The following PARD3B variants were observed in gnomAD, a reference collection of about 807,000 sequenced individuals.
The protein encoded by PARD3B is partitioning defective 3 homolog B.
In PARD3B, 103 loss-of-function variants were observed where a neutral mutation model predicts 130.2. That is an observed-to-expected ratio of 0.79 (90% CI 0.67 to 0.93). The LOEUF (loss-of-function observed/expected upper bound fraction) is 0.93, where lower values mean the gene tolerates loss of function less well. PARD3B is among the 40% of genes least tolerant of loss of function. The pLI, the probability that PARD3B is intolerant of heterozygous loss-of-function variation, is 0.00. For synonymous variants in PARD3B, 583 were observed against 553.2 expected, an observed-to-expected ratio of 1.05 and a Z score of -0.76; for missense variants, 1,609 against 1,499.2, an observed-to-expected ratio of 1.07 and a Z score of -1.21.
intron 19 of PARD3B, among the ~76,000 whole-genome samples, chr2:205,420,458 T>G (rs545942145): frequency 6.6e-6 from 1 of 152,312 alleles, no homozygotes; most frequent in South Asian, 2.1e-4. Flanking sequence ...GAGCTCAGTT[T>G]CCATCCCAGG....
At chr2:205,119,465 T>C (rs1424871783) in intron 7 of PARD3B, among the ~76,000 whole-genome samples, 1 of 151,938 alleles carries the variant, frequency 6.6e-6, no homozygotes, top group Non-Finnish European at 1.5e-5. Flanking sequence ...CACCGAATCA[T>C]AGAAACAAAC....
intron 19 of PARD3B, among the ~76,000 whole-genome samples, chr2:205,422,803 G>A (rs72948020): frequency 1.3e-3 from 193 of 151,878 alleles, no homozygotes; most frequent in Non-Finnish European, 2.2e-3. Flanking sequence ...CCAGCTGAGT[G>A]ATGGAATGCC....
intron 3 of PARD3B, among the ~76,000 whole-genome samples, chr2:205,039,525 A>G (rs1698245842): frequency 6.6e-6 from 1 of 152,060 alleles, no homozygotes. Context: ...GTTGGAGTGC[A>G]GTGGCGTGAT....
chr2:205,251,273 G>T (rs1302205475), intron 16 of PARD3B, among the ~76,000 whole-genome samples: 1 of 152,134 alleles, frequency 6.6e-6, no homozygotes, highest in East Asian at 1.9e-4. Context: ...ATGTGTACAT[G>T]TACAGGAGTG....
chr2:205,424,784 G>A (rs547251731), intron 19 of PARD3B, among the ~76,000 whole-genome samples: 1 of 152,226 alleles, frequency 6.6e-6, no homozygotes, highest in East Asian at 1.9e-4. Context: ...TAAGCACCGA[G>A]GGCCTGTCGT....
intron 18 of PARD3B, among the ~76,000 whole-genome samples, chr2:205,350,827 A>T (rs143577609): frequency 1.4e-4 from 21 of 152,318 alleles, no homozygotes; most frequent in African/African-American, 4.8e-4. Flanking sequence ...CTTGTGTTAA[A>T]GTATACATAC....
chr2:204,944,655 T>A (rs1689168785), intron 2 of PARD3B, among the ~76,000 whole-genome samples: 1 of 152,274 alleles, frequency 6.6e-6, no homozygotes, highest in South Asian at 2.1e-4. Context: ...TGATATTTTA[T>A]AATCAGTTAC....
At chr2:205,295,159 G>T (rs2041743751) in intron 16 of PARD3B, among the ~76,000 whole-genome samples, 1 of 152,060 alleles carries the variant, frequency 6.6e-6, no homozygotes, top group African/African-American at 2.4e-5. Context: ...AGAATAAAGT[G>T]GTATTGTGAC....
At position 205,352,679 on chromosome 2, in the gene PARD3B, A is replaced by C. The variant is rs866044868; in HGVS notation, c.2631-48334A>C. Among the ~76,000 whole-genome samples, 1 of 152,178 alleles carries C rather than the reference A, an allele frequency of 6.6e-6. No homozygotes were observed. The highest frequency in any genetic ancestry group is 1.5e-5 in the Non-Finnish European group (1 of 68,032). On this transcript the variant is annotated intron_variant, in intron 18 of 22. Transcript: ENST00000406610. The surrounding 1 kb of genome is among the most constrained non-coding windows in gnomAD (Gnocchi z 5.2). ...GTGTTGGAGATAAACAGGTAGTATC[A>C]GGCGTCCATAGCCTTGCGTTTTACT...
intron 10 of PARD3B, among the ~76,000 whole-genome samples, chr2:205,132,514 C>T (rs2032095014): frequency 6.6e-6 from 1 of 152,116 alleles, no homozygotes; most frequent in East Asian, 1.9e-4. Flanking sequence ...AAGATATCTA[C>T]TTATAGGTCA....
intron 10 of PARD3B, among the ~76,000 whole-genome samples, chr2:205,150,252 T>TGTGTGTGTGTGCGC (rs375301293): frequency 7.6e-4 from 111 of 145,876 alleles, no homozygotes; most frequent in African/African-American, 2.1e-3. Context: ...TGTGTGTGTG[T>TGTGTGTGTGTGCGC]GCACACACGC....
At chr2:205,018,355 A>G (rs1427076595) in intron 3 of PARD3B, among the ~76,000 whole-genome samples, 1 of 152,286 alleles carries the variant, frequency 6.6e-6, no homozygotes, top group African/African-American at 2.4e-5. Context: ...AATATCCAGA[A>G]CATGAAATGT....
chr2:205,228,599 A>G (rs913206463), intron 15 of PARD3B, among the ~76,000 whole-genome samples: 3 of 151,848 alleles, frequency 2.0e-5, no homozygotes, highest in Non-Finnish European at 4.4e-5. Flanking sequence ...ATTTGGGGTA[A>G]ATTTGCTTGG....
At chr2:205,451,195 G>A (rs1056624777) in intron 20 of PARD3B, among the ~76,000 whole-genome samples, 10 of 152,164 alleles carry the variant, frequency 6.6e-5, no homozygotes, top group Admixed American at 1.3e-4. Flanking sequence ...CAAGATGGCC[G>A]TAGCCACTCT....
intron 2 of PARD3B, among the ~76,000 whole-genome samples, chr2:204,876,388 A>G (rs1413810993): frequency 6.6e-6 from 1 of 152,152 alleles, no homozygotes; most frequent in Non-Finnish European, 1.5e-5. Flanking sequence ...GAGCAAATCA[A>G]ATTTTTCCAC....
intron 15 of PARD3B, among the ~76,000 whole-genome samples, chr2:205,202,907 A>G (rs1307037297): frequency 2.6e-5 from 4 of 152,156 alleles, no homozygotes; most frequent in Admixed American, 2.6e-4. Context: ...CCTAAAGTTA[A>G]GTATTATGAA....
At chr2:205,296,876 T>TTA (rs1559632634) in intron 16 of PARD3B, among the ~76,000 whole-genome samples, 1 of 145,226 alleles carries the variant, frequency 6.9e-6, no homozygotes, top group African/African-American at 2.5e-5. Context: ...AACATCTTTT[T>TTA]AAAAAAAAAA....
intron 4 of PARD3B, among the ~76,000 whole-genome samples, chr2:205,070,287 T>C (rs909199642): frequency 1.3e-5 from 2 of 152,072 alleles, no homozygotes; most frequent in Non-Finnish European, 2.9e-5. Flanking sequence ...CCCCATGAAA[T>C]TAGCAGTTTT....
At chr2:205,010,341 G>T (rs1171032916) in intron 3 of PARD3B, among the ~76,000 whole-genome samples, 1 of 152,302 alleles carries the variant, frequency 6.6e-6, no homozygotes, top group Admixed American at 6.5e-5. Context: ...CTCTGTGCAT[G>T]AACTCCTCTT....
Sources: allele counts gnomAD v4.1 joint callset (sites outside exome capture counted in the v4.1 genomes callset), GRCh38; gene constraint gnomAD v4.1.1; non-coding constraint Gnocchi (gnomAD v3.1); transcripts MANE v1.5; gene names NCBI Gene and HGNC (gene_info 2026-07-23, HGNC 2026-07-21).